The following KCTD11 variants were observed in gnomAD, a reference collection of about 807,000 sequenced individuals.
KCTD11 encodes the protein potassium channel tetramerization domain containing 11.
In KCTD11, 8 loss-of-function variants were observed where a neutral mutation model predicts 10.7. The observed-to-expected ratio is 0.74, with a 90% CI of 0.44 to 1.34. KCTD11 has a LOEUF of 1.34. Ranked by LOEUF, KCTD11 falls within the 40% of genes most tolerant of loss-of-function variation. The probability of loss-of-function intolerance (pLI) is 0.01; values close to 1 mark genes in which losing one functional copy is unlikely to be tolerated. For synonymous variants in KCTD11, 153 were observed against 160.8 expected (o/e 0.95, Z 0.37); for missense variants, 346 against 356.1 (o/e 0.97, Z 0.23).
rs1261215531 is a variant in KCTD11, at chr17:7,353,588, C to G, written c.763C>G (p.Pro255Ala). Residue 255 changes from proline to alanine, a missense_variant, in exon 1 of 1, where the codon CCC (proline) becomes GCC (alanine). Pro to Ala is a conservative substitution (Grantham distance 27). Transcript: ENST00000333751. The surrounding 1 kb of genome is among the most constrained non-coding windows in gnomAD (Gnocchi z 4.9). ...CGGCTTCCGACTAGACTCTGTCTTC[C>G]CCGACCCCGAAGACCTGCTCAACTC... 6.5e-7 allele frequency: 1 copy of G among 1,533,366 alleles called. No homozygotes were observed. Among genetic ancestry groups the G allele is most frequent in the South Asian group, 1.3e-5 (1 of 78,788 alleles). 95.0% of individuals were successfully genotyped at this position (1,533,366 alleles called of 1,614,324 possible).
chr17:7,354,812 T>A lies in KCTD11; in HGVS notation c.*1171T>A, dbSNP rs1312299578. The A allele has an allele frequency of 4.9e-6, 1 of 202,852 alleles. No individual in the cohort carries two copies. The highest frequency in any genetic ancestry group is 2.4e-5 in the African/African-American group (1 of 41,598). 12.6% of individuals were successfully genotyped at this position (202,852 alleles called of 1,614,324 possible). ...CAGTGGGGGAGGAGATGGGAAGGGA[T>A]GGGATTTCTGGGTCCCAGAGCGGGT... On this transcript the variant is annotated 3_prime_UTR_variant, in exon 1 of 1. Coordinates refer to ENST00000333751, the MANE Select transcript of KCTD11 (RefSeq NM_001363642.1).
chr17:7,353,216 G>A lies in KCTD11; in HGVS notation c.391G>A (p.Ala131Thr). ...TGCACCCACAGCTGCCCTGCTCCAC[G>A]CAGATGTAGATGTCAGCCCCCGCCT... The change falls in exon 1 of 1, where the codon GCA becomes ACA. Residue 131 changes from alanine to threonine, a missense_variant. Transcript: ENST00000333751. The surrounding 1 kb of genome is among the most constrained non-coding windows in gnomAD (Gnocchi z 4.9). The A allele has an allele frequency of 6.2e-7, 1 of 1,613,506 alleles. No homozygotes were observed. The highest frequency in any genetic ancestry group is 8.5e-7 in the Non-Finnish European group (1 of 1,180,038).
In KCTD11 at chr17:7,353,135, C is replaced by T. The variant is rs1223684129; in HGVS notation, c.310C>T (p.Gln104Ter). The T allele has an allele frequency of 1.2e-6, 2 of 1,612,830 alleles. No homozygotes were observed. The highest frequency in any genetic ancestry group is 1.7e-6 in the Non-Finnish European group (2 of 1,179,310). The change falls in exon 1 of 1, where the codon CAG becomes TAG. Residue 104 changes from glutamine (Q) to a stop codon, truncating the protein, a stop_gained. Coordinates refer to ENST00000333751, the MANE Select transcript of KCTD11 (RefSeq NM_001363642.1). LOFTEE classifies it high-confidence loss of function. The surrounding 1 kb of genome is among the most constrained non-coding windows in gnomAD (Gnocchi z 4.9). ...GCTCAGGGCAGAGGCTGACTTCTAC[C>T]AGATCCGGCCCCTCCTGGACGCGCT...
rs1004200593 is a variant in KCTD11, at chr17:7,353,891, T to C, written c.*250T>C. 1.4e-5 allele frequency: 6 copies of C among 436,450 alleles called. No individual in the cohort carries two copies. Among genetic ancestry groups the C allele is most frequent in the African/African-American group, 9.9e-5 (5 of 50,386 alleles). 27.0% of individuals were successfully genotyped at this position (436,450 alleles called of 1,614,324 possible). On this transcript the variant is annotated 3_prime_UTR_variant, in exon 1 of 1. Transcript: ENST00000333751. This position sits in a 1 kb window ranked among gnomAD's most constrained non-coding sequence, Gnocchi z 4.9. The stretch of plus-strand genomic sequence containing the variant: ...CTCTCAGCTTGTTCTTGCCTAAGGC[T>C]GAGCACCTCCAGTCTCTCCTTGATT...
chr17:7,352,845 C>T lies in KCTD11; in HGVS notation c.20C>T (p.Pro7Leu), dbSNP rs2073425934. Residue 7 changes from proline (P) to leucine (L), a missense_variant, in exon 1 of 1, where the codon CCC (proline) becomes CTC (leucine). Coordinates refer to ENST00000333751, the MANE Select transcript of KCTD11 (RefSeq NM_001363642.1). This position sits in a 1 kb window ranked among gnomAD's most constrained non-coding sequence, Gnocchi z 4.5. ...CCCAAAATTTCTCCTCCTCCTGTGC[C>T]CTCTTCGCCCCCCTCCTTTGGGGGC... 2 of 901,442 alleles carry T rather than the reference C, an allele frequency of 2.2e-6. No individual in the cohort carries two copies. The highest frequency in any genetic ancestry group is 3.2e-5 in the South Asian group (2 of 63,420). The allele number at this position is 901,442 out of a possible 1,614,324, so 55.8% of individuals were successfully genotyped here.
Position 7,353,624 on chromosome 17 carries a change from C to A in KCTD11, c.799C>A (p.Arg267Ser), listed in dbSNP as rs773935870. 8.6e-6 allele frequency: 13 copies of A among 1,519,190 alleles called. No individual in the cohort carries two copies. Among genetic ancestry groups the A allele is most frequent in the Non-Finnish European group, 1.1e-5 (13 of 1,134,860 alleles). The allele number at this position is 1,519,190 out of a possible 1,614,324, so 94.1% of individuals were successfully genotyped here. ...AGACCTGCTCAACTCCAGGTCTCTG[C>A]GCTTTGTCCGGCACTGAGGATGCTG... The change falls in exon 1 of 1, where the codon CGC becomes AGC. Residue 267 changes from arginine (R) to serine (S), a missense_variant. By Grantham distance (110) the Arg-to-Ser change is moderately radical. Transcript: ENST00000333751. The surrounding 1 kb of genome is among the most constrained non-coding windows in gnomAD (Gnocchi z 4.9).
rs373002616 is a variant in KCTD11, at chr17:7,353,510, G to T, written c.685G>T (p.Val229Leu). 1,195 of 1,590,934 alleles carry T rather than the reference G, an allele frequency of 7.5e-4. 16 individuals are homozygous for T. In the South Asian group the frequency reaches 0.013, roughly 17 times the overall value. The change falls in exon 1 of 1, where the codon GTG becomes TTG. Residue 229 changes from valine (V) to leucine (L), a missense_variant. Physicochemically the swap from Val to Leu is conservative, Grantham distance 32 (BLOSUM62 1). Coordinates refer to ENST00000333751, the MANE Select transcript of KCTD11 (RefSeq NM_001363642.1). This position sits in a 1 kb window ranked among gnomAD's most constrained non-coding sequence, Gnocchi z 4.9. ...TGGGGGGCCAGGAGAGCGGCGGGAG[G>T]TGGTGGGCACCCCAAGCTTCCTGGA...
In KCTD11 at chr17:7,352,180, G is replaced by C. The variant is rs887795324; in HGVS notation, c.-646G>C. On this transcript the variant is annotated 5_prime_UTR_variant, in exon 1 of 1. Transcript: ENST00000333751. The surrounding 1 kb of genome is among the most constrained non-coding windows in gnomAD (Gnocchi z 4.5). ...TTAGGCCACTTCCTGGGGGCGGAGA[G>C]GACCTCAGCGGCTGCGGCGACACCC... 2 of 152,342 alleles carry C rather than the reference G, an allele frequency of 1.3e-5. No individual in the cohort carries two copies. The highest frequency in any genetic ancestry group is 4.8e-5 in the African/African-American group (2 of 41,468). 9.4% of individuals were successfully genotyped at this position (152,342 alleles called of 1,614,324 possible).
Position 7,353,331 on chromosome 17 carries a change from A to G in KCTD11, c.506A>G (p.Asp169Gly), listed in dbSNP as rs2073434578. Residue 169 changes from aspartate (D) to glycine (G), a missense_variant, in exon 1 of 1, where the codon GAC (aspartate) becomes GGC (glycine). Asp to Gly is a moderately conservative substitution (Grantham distance 94, BLOSUM62 -1). Coordinates refer to ENST00000333751, the MANE Select transcript of KCTD11 (RefSeq NM_001363642.1). This position sits in a 1 kb window ranked among gnomAD's most constrained non-coding sequence, Gnocchi z 4.9. Reference sequence around the variant, plus strand: ...TTCCGAGCCAACCTTTTCTGCACCGACTCTGAGTGTCTAGGTGCTTTGCGG... The same window carrying G: ...TTCCGAGCCAACCTTTTCTGCACCGGCTCTGAGTGTCTAGGTGCTTTGCGG... The G allele has an allele frequency of 6.2e-7, 1 of 1,613,498 alleles. No homozygotes were observed.
rs1163669517 is a variant in KCTD11, at chr17:7,354,732, G to A, written c.*1091G>A. The stretch of plus-strand genomic sequence containing the variant: ...ACCATGGACCTGTTGCTAGGAGATA[G>A]CTGGGGAAGGCCCAAGGCCGCCCAG... On this transcript the variant is annotated 3_prime_UTR_variant, in exon 1 of 1. Transcript: ENST00000333751. 2.3e-5 allele frequency: 4 copies of A among 171,746 alleles called. No homozygotes were observed. Among genetic ancestry groups the A allele is most frequent in the Non-Finnish European group, 5.6e-5 (4 of 71,240 alleles). 10.6% of individuals were successfully genotyped at this position (171,746 alleles called of 1,614,324 possible).
rs758327151 is a variant in KCTD11, at chr17:7,353,073, G to A, written c.248G>A (p.Arg83His). The A allele has an allele frequency of 6.2e-7, 1 of 1,613,424 alleles. No homozygotes were observed. Among genetic ancestry groups the A allele is most frequent in the Non-Finnish European group, 8.5e-7 (1 of 1,179,854 alleles). Residue 83 changes from arginine (R) to histidine (H), a missense_variant, in exon 1 of 1, where the codon CGC becomes CAC. Coordinates refer to ENST00000333751, the MANE Select transcript of KCTD11 (RefSeq NM_001363642.1). The surrounding 1 kb of genome is among the most constrained non-coding windows in gnomAD (Gnocchi z 4.9). ...ATCCTCAATTTCCTGAGGCTGGGCC[G>A]CCTGGACCTGCCCCGTGGGTACGGA...
chr17:7,353,590 C>G lies in KCTD11; in HGVS notation c.765C>G (p.Pro255=). The stretch of plus-strand genomic sequence containing the variant: ...GCTTCCGACTAGACTCTGTCTTCCC[C>G]GACCCCGAAGACCTGCTCAACTCCA... Residue 255 remains proline (P), a synonymous_variant, in exon 1 of 1, where the codon CCC becomes CCG. Coordinates refer to ENST00000333751, the MANE Select transcript of KCTD11 (RefSeq NM_001363642.1). This position sits in a 1 kb window ranked among gnomAD's most constrained non-coding sequence, Gnocchi z 4.9. 6.5e-7 allele frequency: 1 copy of G among 1,532,900 alleles called. No individual in the cohort carries two copies. The highest frequency in any genetic ancestry group is 8.8e-7 in the Non-Finnish European group (1 of 1,140,034). The allele number at this position is 1,532,900 out of a possible 1,614,324, so 95.0% of individuals were successfully genotyped here.
rs2073456867 is a variant in KCTD11 at position 7,354,609 on chromosome 17, G to T, written c.*968G>T. ...CACGTAGCCAGGAGGGGCCTGTTGG[G>T]GTTTGAGTCACTGGGATCTTCCTGG... On this transcript the variant is annotated 3_prime_UTR_variant, in exon 1 of 1. Transcript: ENST00000333751. 6.0e-6 allele frequency: 1 copy of T among 167,828 alleles called. No homozygotes were observed. Among genetic ancestry groups the T allele is most frequent in the Non-Finnish European group, 1.5e-5 (1 of 68,792 alleles). 10.4% of individuals were successfully genotyped at this position (167,828 alleles called of 1,614,324 possible).
In KCTD11 at chr17:7,353,865, T is replaced by C. The variant is rs1265556373; in HGVS notation, c.*224T>C. 5 of 469,694 alleles carry C rather than the reference T, an allele frequency of 1.1e-5. No homozygotes were observed. Among genetic ancestry groups the C allele is most frequent in the Non-Finnish European group, 7.7e-6 (2 of 260,616 alleles). 29.1% of individuals were successfully genotyped at this position (469,694 alleles called of 1,614,324 possible). The stretch of plus-strand genomic sequence containing the variant: ...TGACCCTGGGAGGGGTAGGGAAGGT[T>C]CTCTCAGCTTGTTCTTGCCTAAGGC... On this transcript the variant is annotated 3_prime_UTR_variant, in exon 1 of 1. Coordinates refer to ENST00000333751, the MANE Select transcript of KCTD11 (RefSeq NM_001363642.1). This position sits in a 1 kb window ranked among gnomAD's most constrained non-coding sequence, Gnocchi z 4.9.
chr17:7,352,876 G>C lies in KCTD11; in HGVS notation c.51G>C (p.Val17=). ...CGCCCCCCTCCTTTGGGGGCCCCGTGACCCTGAATGTGGGGGGCACACTAT... is the reference window on the plus strand; with the variant it reads ...CGCCCCCCTCCTTTGGGGGCCCCGTCACCCTGAATGTGGGGGGCACACTAT... The change falls in exon 1 of 1, where the codon GTG becomes GTC. Residue 17 remains valine (V), a synonymous_variant. Transcript: ENST00000333751. The surrounding 1 kb of genome is among the most constrained non-coding windows in gnomAD (Gnocchi z 4.5). 2.1e-6 allele frequency: 3 copies of C among 1,415,804 alleles called. No individual in the cohort carries two copies. Among genetic ancestry groups the C allele is most frequent in the Non-Finnish European group, 2.9e-6 (3 of 1,046,408 alleles). The allele number at this position is 1,415,804 out of a possible 1,614,324, so 87.7% of individuals were successfully genotyped here.
At position 7,353,378 on chromosome 17, in the gene KCTD11, G is replaced by C; in HGVS notation, c.553G>C (p.Gly185Arg). 1.9e-6 allele frequency: 3 copies of C among 1,614,000 alleles called. No individual in the cohort carries two copies. The South Asian group carries it at 3.3e-5, about 18-fold the overall frequency. ...GCGGGCCCGATTTGGTGTGGCCAGT[G>C]GGGATAGGGCAGAGGGGAGCCCACA... The change falls in exon 1 of 1, where the codon GGG becomes CGG. Residue 185 changes from glycine (G) to arginine (R), a missense_variant. Gly to Arg is a moderately radical substitution (Grantham distance 125). Coordinates refer to ENST00000333751, the MANE Select transcript of KCTD11 (RefSeq NM_001363642.1). The surrounding 1 kb of genome is among the most constrained non-coding windows in gnomAD (Gnocchi z 4.9).
At position 7,353,420 on chromosome 17, in the gene KCTD11, G is replaced by T; in HGVS notation, c.595G>T (p.Ala199Ser). 1.9e-6 allele frequency: 3 copies of T among 1,610,446 alleles called. No individual in the cohort carries two copies. Among genetic ancestry groups the T allele is most frequent in the Non-Finnish European group, 2.5e-6 (3 of 1,179,634 alleles). ...GAGCCCACATTTTCATCTGGAGTGG[G>T]CCCCCCGCCCCGTGGAACTCCCCGA... Residue 199 changes from alanine to serine, a missense_variant, in exon 1 of 1, where the codon GCC (alanine) becomes TCC (serine). By Grantham distance (99) the Ala-to-Ser change is moderately conservative. Coordinates refer to ENST00000333751, the MANE Select transcript of KCTD11 (RefSeq NM_001363642.1). This position sits in a 1 kb window ranked among gnomAD's most constrained non-coding sequence, Gnocchi z 4.9.
rs777907296 is a variant in KCTD11 at position 7,354,392 on chromosome 17, T to C, written c.*751T>C. 6.0e-6 allele frequency: 1 copy of C among 167,226 alleles called. No homozygotes were observed. Among genetic ancestry groups the C allele is most frequent in the African/African-American group, 2.4e-5 (1 of 41,442 alleles). 10.4% of individuals were successfully genotyped at this position (167,226 alleles called of 1,614,324 possible). On this transcript the variant is annotated 3_prime_UTR_variant, in exon 1 of 1. Transcript: ENST00000333751. ...TATAGGTCCCTGGCATCCTGGTTCA[T>C]ATCTGTGTTGCTGACTACAGTGTCT...
chr17:7,352,788 C>CCTTTT lies in KCTD11; in HGVS notation c.-28_-24dup. 1.6e-6 allele frequency: 1 copy of CCTTTT among 626,692 alleles called. No individual in the cohort carries two copies. The highest frequency in any genetic ancestry group is 2.8e-6 in the Non-Finnish European group (1 of 357,042). 38.8% of individuals were successfully genotyped at this position (626,692 alleles called of 1,614,324 possible). On this transcript the variant is annotated 5_prime_UTR_variant, in exon 1 of 1. Coordinates refer to ENST00000333751, the MANE Select transcript of KCTD11 (RefSeq NM_001363642.1). This position sits in a 1 kb window ranked among gnomAD's most constrained non-coding sequence, Gnocchi z 4.5. ...TTCTGCACACACCCAGGAAGTTCTG[C>CCTTTT]CTTTTCTTTTCTTTCGGTGTCTCCT...
Sources: allele counts gnomAD v4.1 joint callset, GRCh38; gene constraint gnomAD v4.1.1; non-coding constraint Gnocchi (gnomAD v3.1); transcripts MANE v1.5; gene names NCBI Gene and HGNC (gene_info 2026-07-23, HGNC 2026-07-21).